Variants in TESPA1 observed in about 807,000 individuals in gnomAD.
TESPA1 encodes the protein protein TESPA1.
Under a neutral mutation model 57.9 loss-of-function variants are expected in TESPA1, and 33 were observed. The observed-to-expected ratio is 0.57, with a 90% CI of 0.43 to 0.76. The LOEUF is 0.76. Ranked by LOEUF, TESPA1 falls within the 30% of genes least tolerant of loss-of-function variation. The pLI is 0.00. For missense variants in TESPA1, 618 were observed against 632.9 expected (o/e 0.98, Z 0.25); for synonymous variants, 227 against 228.9 (o/e 0.99, Z 0.07).
chr12:54,978,522 C>T, intron 1 of TESPA1, among the ~76,000 whole-genome samples: 1 of 152,168 alleles, frequency 6.6e-6, no homozygotes, highest in Non-Finnish European at 1.5e-5. Context: ...CTTCAGTGGT[C>T]TCTAGAGTTA....
chr12:54,964,034 CA>C, intron 7 of TESPA1, 84 bp from the exon 8 acceptor site: 1 of 1,369,758 alleles, frequency 7.3e-7, no homozygotes, highest in Non-Finnish European at 1.0e-6. Context: ...ATAAAAGTGT[CA>C]GAAGACTGAA....
At chr12:54,964,157 A>G (rs1951270632) in intron 7 of TESPA1, among the ~76,000 whole-genome samples, 1 of 152,250 alleles carries the variant, frequency 6.6e-6, no homozygotes, top group Non-Finnish European at 1.5e-5. Flanking sequence ...AACCCTAGTT[A>G]TAAAAACTGA....
chr12:54,977,470 A>C (rs1952176800), intron 1 of TESPA1, among the ~76,000 whole-genome samples: 1 of 152,224 alleles, frequency 6.6e-6, no homozygotes, highest in Non-Finnish European at 1.5e-5. Flanking sequence ...AAGTTCCTAC[A>C]ATTGAGAACA....
At position 54,949,635 on chromosome 12, in the gene TESPA1, A is replaced by T. The variant is rs11171187; in HGVS notation, c.*757T>A. The T allele has an allele frequency of 0.11, 17,289 of 152,248 alleles. 2,457 individuals are homozygous for T. Among genetic ancestry groups the T allele is most frequent in the East Asian group, 0.68 (3,482 of 5,146 alleles). The allele number at this position is 152,248 out of a possible 1,614,324, so 9.4% of individuals were successfully genotyped here. A position where few individuals can be genotyped will look rare whatever the true frequency, so the allele number is the denominator to read the frequency against. On this transcript the variant is annotated 3_prime_UTR_variant, in exon 11 of 11. Transcript: ENST00000449076. ...TAACTTTAAAAACATGCCATGATTTAAAAAAAATATTTGTATTGTTTTCTG... is the reference window on the plus strand; with the variant it reads ...TAACTTTAAAAACATGCCATGATTTTAAAAAAATATTTGTATTGTTTTCTG...
At chr12:54,979,383 C>T (rs995396053) in intron 1 of TESPA1, among the ~76,000 whole-genome samples, 7 of 152,138 alleles carry the variant, frequency 4.6e-5, no homozygotes, top group African/African-American at 1.7e-4. Flanking sequence ...CTCCAATTTT[C>T]CCATGAAACT....
intron 10 of TESPA1, among the ~76,000 whole-genome samples, chr12:54,955,863 A>T (rs72648133): frequency 0.2 from 31,137 of 151,986 alleles, 5,412 homozygotes; most frequent in East Asian, 0.84. Context: ...AATATTCACA[A>T]TTTCTTGATG....
intron 3 of TESPA1, chr12:54,968,100 C>A: frequency 7.8e-7 from 1 of 1,276,404 alleles, no homozygotes. Context: ...CTGGAATGCA[C>A]TATATTTTAG....
chr12:54,967,073 C>T (rs1025250325), intron 5 of TESPA1, 110 bp downstream of exon 5: 1 of 1,234,232 alleles, frequency 8.1e-7, no homozygotes, highest in Non-Finnish European at 1.2e-6. Flanking sequence ...TAGATAAGAC[C>T]CCAGGGATGG....
rs185067538 is a variant in TESPA1, at chr12:54,956,170, A to G, written c.*1+4998T>C. Among the ~76,000 whole-genome samples the G allele has an allele frequency of 3.3e-3, 504 of 152,334 alleles. 3 individuals carry two copies. Among genetic ancestry groups the G allele is most frequent in the African/African-American group, 0.012 (482 of 41,578 alleles). On this transcript the variant is annotated intron_variant, in intron 10 of 10. Coordinates refer to ENST00000449076, the MANE Select transcript of TESPA1 (RefSeq NM_001136030.3). ...AACTTACACAGGTTCCACCAAGTAC[A>G]AACAGATAGTGCTTTGAGTTACCCA... is the stretch of plus-strand genomic sequence containing the variant.
intron 1 of TESPA1, among the ~76,000 whole-genome samples, chr12:54,975,923 T>A (rs1281559449): frequency 6.6e-6 from 1 of 152,214 alleles, no homozygotes; most frequent in Non-Finnish European, 1.5e-5. Flanking sequence ...TAATTACTGT[T>A]GTCTGATCTA....
intron 10 of TESPA1, among the ~76,000 whole-genome samples, chr12:54,956,416 AC>A (rs1950735174): frequency 6.6e-6 from 1 of 152,188 alleles, no homozygotes; most frequent in African/African-American, 2.4e-5. Flanking sequence ...AAAAATAAAA[AC>A]TTTCTCCTTG....
chr12:54,960,453 A>G (rs1285149364), intron 10 of TESPA1, among the ~76,000 whole-genome samples: 1 of 152,182 alleles, frequency 6.6e-6, no homozygotes, highest in African/African-American at 2.4e-5. Flanking sequence ...TGCAGAAGGG[A>G]GCTCAGACCC....
intron 1 of TESPA1, among the ~76,000 whole-genome samples, chr12:54,979,368 C>G (rs981566022): frequency 6.6e-6 from 1 of 152,134 alleles, no homozygotes; most frequent in Non-Finnish European, 1.5e-5. Context: ...CTGTAGATAT[C>G]TGTTCTCCAA....
intron 10 of TESPA1, among the ~76,000 whole-genome samples, chr12:54,954,241 G>A (rs779712158): frequency 3.9e-5 from 6 of 152,208 alleles, no homozygotes; most frequent in Non-Finnish European, 7.3e-5. Context: ...CTGGGCCTTA[G>A]TTCTGGCTCT....
At chr12:54,957,711 T>G (rs1221403909) in intron 10 of TESPA1, among the ~76,000 whole-genome samples, 1 of 152,218 alleles carries the variant, frequency 6.6e-6, no homozygotes, top group Non-Finnish European at 1.5e-5. Context: ...TTCTAGGTAA[T>G]CATAGAAAAA....
chr12:54,983,950 TG>T (rs1952411056), intron 1 of TESPA1: 1 of 152,262 alleles, frequency 6.6e-6, no homozygotes, highest in Non-Finnish European at 1.5e-5. Context: ...GTCCTGATGG[TG>T]GCTATCCATC....
At chr12:54,959,925 T>G (rs965326817) in intron 10 of TESPA1, among the ~76,000 whole-genome samples, 2 of 152,272 alleles carry the variant, frequency 1.3e-5, no homozygotes, top group African/African-American at 4.8e-5. Flanking sequence ...TCATATACCC[T>G]GAGATGTAGG....
chr12:54,957,623 A>G (rs193099515), intron 10 of TESPA1, among the ~76,000 whole-genome samples: 66 of 152,334 alleles, frequency 4.3e-4, no homozygotes, highest in Admixed American at 3.2e-3. Context: ...AATGCACAGG[A>G]CATTGGAAAA....
rs1044568253 is a variant in TESPA1 at position 54,969,029 on chromosome 12, A to G, written c.207-1137T>C. On this transcript the variant is annotated intron_variant, in intron 3 of 10. Coordinates refer to ENST00000449076, the MANE Select transcript of TESPA1 (RefSeq NM_001136030.3). ...ACTACATATTTATATATGTATATAT[A>G]TATATATATATATATATGTGTGTGT... Among the ~76,000 whole-genome samples, 475 of 108,832 alleles carry G rather than the reference A, an allele frequency of 4.4e-3. 16 individuals carry two copies. The highest frequency in any genetic ancestry group is 0.038 in the Middle Eastern group (8 of 212). 71.4% of individuals were successfully genotyped at this position (108,832 alleles called of 152,430 possible).
Sources: allele counts gnomAD v4.1 joint callset (sites outside exome capture counted in the v4.1 genomes callset), GRCh38; gene constraint gnomAD v4.1.1; transcripts MANE v1.5; gene names NCBI Gene and HGNC (gene_info 2026-07-23, HGNC 2026-07-21).